Variants in SCN4A observed in about 807,000 individuals in gnomAD.
SCN4A encodes sodium channel protein type 4 subunit alpha.
A neutral mutation model predicts 162.0 loss-of-function variants in SCN4A; 83 were observed. The observed-to-expected ratio is 0.51, with a 90% CI of 0.43 to 0.61. The LOEUF (loss-of-function observed/expected upper bound fraction) is 0.61. Among genes scored for constraint, SCN4A ranks in the 20% least tolerant of loss-of-function variants. The pLI is 0.00. For synonymous variants in SCN4A, 944 were observed against 985.1 expected, an observed-to-expected ratio of 0.96 and a Z score of 0.78; for missense variants, 2,196 against 2,462.5, an observed-to-expected ratio of 0.89 and a Z score of 2.29.
chr17:63,960,514 G>A (rs1014324985), intron 11 of SCN4A, among the ~76,000 whole-genome samples: 6 of 152,162 alleles, frequency 3.9e-5, no homozygotes, highest in African/African-American at 7.2e-5. Context: ...CCCATTTGCC[G>A]TCCTGGAAAA....
Position 63,940,661 on chromosome 17 carries a change from C to T in SCN4A, c.*110G>A. 7.5e-7 allele frequency: 1 copy of T among 1,336,750 alleles called. No homozygotes were observed. The highest frequency in any genetic ancestry group is 1.0e-6 in the Non-Finnish European group (1 of 990,632). 82.8% of individuals were successfully genotyped at this position (1,336,750 alleles called of 1,614,324 possible). ...CCAAATCCTGTCCCCCATCAGGGAG[C>T]CAGGCACAGTCCCAGATTCAAAGCC... On this transcript the variant is annotated 3_prime_UTR_variant, in exon 24 of 24. Coordinates refer to ENST00000435607, the MANE Select transcript of SCN4A (RefSeq NM_000334.4).
At position 63,972,142 on chromosome 17, in the gene SCN4A, T is replaced by C; in HGVS notation, c.476A>G (p.Asn159Ser). The change falls in exon 3 of 24, where the codon AAT becomes AGT. Residue 159 changes from asparagine to serine, a missense_variant. Physicochemically the swap from Asn to Ser is conservative, Grantham distance 46. Transcript: ENST00000435607. The surrounding 1 kb of genome is among the most constrained non-coding windows in gnomAD (Gnocchi z 4.3). ...TMSDPPPWSKNVEYTFTGIYT... is the reference protein window; with the variant it reads ...TMSDPPPWSKSVEYTFTGIYT... The stretch of plus-strand genomic sequence containing the variant: ...AGGGAGCAGGGAGACTTACTCCACA[T>C]TCTTGGACCAGGGAGGCGGGTCACT... The C allele has an allele frequency of 6.2e-7, 1 of 1,612,138 alleles. No homozygotes were observed. The highest frequency in any genetic ancestry group is 8.5e-7 in the Non-Finnish European group (1 of 1,178,842).
In SCN4A at chr17:63,948,674, A is replaced by G. The variant is rs769610624; in HGVS notation, c.3081T>C (p.Ile1027=). Reference sequence around the variant, plus strand: ...AGGTCTCGAACCAGTTGTGCTCGACAATCTTGAAGCAGGCCCTGCGCAGAG... The same window carrying G: ...AGGTCTCGAACCAGTTGTGCTCGACGATCTTGAAGCAGGCCCTGCGCAGAG... ...WWTLRRACFK[I]VEHNWFETFI... Residue 1027 remains isoleucine, a synonymous_variant, in exon 16 of 24, where the codon ATT becomes ATC. Coordinates refer to ENST00000435607, the MANE Select transcript of SCN4A (RefSeq NM_000334.4). 1.9e-6 allele frequency: 3 copies of G among 1,613,858 alleles called. No individual in the cohort carries two copies. Among genetic ancestry groups the G allele is most frequent in the Non-Finnish European group, 2.5e-6 (3 of 1,179,868 alleles).
rs1491407058 is a variant in SCN4A, at chr17:63,946,469, C to CA, written c.3441+575_3441+576insT. ...GGAAGTCCCATTTTTCTTGCCCCCC[C>CA]CCCCACCCCGCCGCAACCCTGTGTT... On this transcript the variant is annotated intron_variant, in intron 18 of 23. Transcript: ENST00000435607. Among the ~76,000 whole-genome samples, 4 of 128,426 alleles carry CA rather than the reference C, an allele frequency of 3.1e-5. No individual in the cohort carries two copies. The South Asian group carries it at 7.9e-4, about 25-fold the overall frequency. The allele number at this position is 128,426 out of a possible 152,430, so 84.3% of individuals were successfully genotyped here.
At chr17:63,962,394 C>G (rs1909295161) in intron 10 of SCN4A, among the ~76,000 whole-genome samples, 1 of 152,214 alleles carries the variant, frequency 6.6e-6, no homozygotes, top group Non-Finnish European at 1.5e-5. Context: ...CACCCCAAAG[C>G]CACGAGTGCT....
At chr17:63,949,183 C>G (rs1250601874) in intron 15 of SCN4A, among the ~76,000 whole-genome samples, 1 of 152,230 alleles carries the variant, frequency 6.6e-6, no homozygotes, top group Admixed American at 6.5e-5. Flanking sequence ...CACTCCTGCA[C>G]GTTGGCTCCA....
chr17:63,942,038 C>T, intron 23 of SCN4A, 45 bp from the exon 24 acceptor site: 1 of 1,514,638 alleles, frequency 6.6e-7, no homozygotes, highest in Non-Finnish European at 8.9e-7. Flanking sequence ...GGGAGGGGGG[C>T]CGGCACAGGG....
chr17:63,944,682 C>T lies in SCN4A; in HGVS notation c.3903G>A (p.Gln1301=). ...IGVIIDNFNQ[Q]KKKLGGKDIF... is the part of the protein sequence containing the mutation. ...CTGGGCTGATACTCATCTTCTTCTTCTGCTGGTTGAAGTTGTCAATGATGA... is the reference window on the plus strand; with the variant it reads ...CTGGGCTGATACTCATCTTCTTCTTTTGCTGGTTGAAGTTGTCAATGATGA... Residue 1301 remains glutamine (Q), a synonymous_variant, in exon 21 of 24, where the codon CAG becomes CAA. Coordinates refer to ENST00000435607, the MANE Select transcript of SCN4A (RefSeq NM_000334.4). The surrounding 1 kb of genome is among the most constrained non-coding windows in gnomAD (Gnocchi z 4.3). 6.2e-7 allele frequency: 1 copy of T among 1,605,408 alleles called. No individual in the cohort carries two copies. The highest frequency in any genetic ancestry group is 1.3e-5 in the African/African-American group (1 of 74,970).
Position 63,966,527 on chromosome 17 carries a change from C to T in SCN4A, c.1054G>A (p.Glu352Lys). The change falls in exon 7 of 24, where the codon GAG becomes AAG. Residue 352 changes from glutamate to lysine, a missense_variant. Glu to Lys is a moderately conservative substitution (Grantham distance 56, BLOSUM62 1). Transcript: ENST00000435607. The part of the protein sequence containing the change: ...ISDEGNFYFL[E>K]GSNDALLCGN... ...CAGAGCAGGGCATCGTTGGAGCCCT[C>T]CAGGAAGTAGAAGTTCCCTTTGGGA... 1.2e-6 allele frequency: 2 copies of T among 1,613,780 alleles called. No homozygotes were observed. The highest frequency in any genetic ancestry group is 1.7e-6 in the Non-Finnish European group (2 of 1,179,792).
At chr17:63,943,206 AG>A in intron 22 of SCN4A, 110 bp from the exon 23 acceptor site, 1 of 279,732 alleles carries the variant, frequency 3.6e-6, no homozygotes, top group Non-Finnish European at 5.3e-6. Flanking sequence ...GAGATGACAG[AG>A]ATGACAGAGA....
intron 12 of SCN4A, among the ~76,000 whole-genome samples, chr17:63,958,705 A>G (rs1197544674): frequency 6.6e-6 from 1 of 152,166 alleles, no homozygotes; most frequent in Non-Finnish European, 1.5e-5. Flanking sequence ...GGCGTGCGCC[A>G]CCAAGCCCAG....
At chr17:63,968,716 A>G (rs1909531219) in intron 5 of SCN4A, among the ~76,000 whole-genome samples, 1 of 152,220 alleles carries the variant, frequency 6.6e-6, no homozygotes, top group African/African-American at 2.4e-5. Context: ...TGTGCCCTTA[A>G]AAAGGGGGCG....
chr17:63,941,405 T>C lies in SCN4A; in HGVS notation c.4877A>G (p.Lys1626Arg). ...DFEMFYETWE[K>R]FDPDATQFIA... Reference sequence around the variant, plus strand: ...GAACTGGGTGGCGTCGGGGTCGAACTTCTCCCATGTCTCGTAGAACATCTC... The same window carrying C: ...GAACTGGGTGGCGTCGGGGTCGAACCTCTCCCATGTCTCGTAGAACATCTC... The change falls in exon 24 of 24, where the codon AAG (lysine) becomes AGG (arginine). Residue 1626 changes from lysine (K) to arginine (R), a missense_variant. Coordinates refer to ENST00000435607, the MANE Select transcript of SCN4A (RefSeq NM_000334.4). This position sits in a 1 kb window ranked among gnomAD's most constrained non-coding sequence, Gnocchi z 6.2. 1 of 1,614,000 alleles carries C rather than the reference T, an allele frequency of 6.2e-7. No homozygotes were observed. The highest frequency in any genetic ancestry group is 1.1e-5 in the South Asian group (1 of 91,068).
In SCN4A at chr17:63,941,697, GGCAGATGAT is replaced by G; in HGVS notation, c.4576_4584del (p.Ile1526_Cys1528del). The G allele has an allele frequency of 3.1e-6, 5 of 1,614,154 alleles. No individual in the cohort carries two copies. The highest frequency in any genetic ancestry group is 4.2e-6 in the Non-Finnish European group (5 of 1,180,040). ...CCGGCCGACGTGGTGATCTCGAACAGGCAGATGATGCTGTTGCCGAAGGTCTCGAAGTTG... is the reference window on the plus strand; with the variant it reads ...CCGGCCGACGTGGTGATCTCGAACAGGCTGTTGCCGAAGGTCTCGAAGTTG... On this transcript the variant is annotated inframe_deletion, in exon 24 of 24. Coordinates refer to ENST00000435607, the MANE Select transcript of SCN4A (RefSeq NM_000334.4). The surrounding 1 kb of genome is among the most constrained non-coding windows in gnomAD (Gnocchi z 6.2).
In SCN4A at chr17:63,951,912, G is replaced by A. The variant is rs1417111365; in HGVS notation, c.2377-12C>T. The A allele has an allele frequency of 1.3e-6, 2 of 1,495,238 alleles. No homozygotes were observed. 92.6% of individuals were successfully genotyped at this position (1,495,238 alleles called of 1,614,324 possible). The stretch of plus-strand genomic sequence containing the variant: ...AACAGGTTCAGGACCTGGGGCATGG[G>A]GTCAGGGGGAGCCTCACATCAGTCC... On this transcript the variant is annotated splice_polypyrimidine_tract_variant and intron_variant, in intron 13 of 23. Transcript: ENST00000435607. This position sits in a 1 kb window ranked among gnomAD's most constrained non-coding sequence, Gnocchi z 4.5.
At chr17:63,964,337 C>G (rs769489512) in intron 9 of SCN4A, 131 bp downstream of exon 9, 2 of 718,550 alleles carry the variant, frequency 2.8e-6, no homozygotes, top group African/African-American at 1.8e-5. Flanking sequence ...GGGCCTTCTG[C>G]TCCTTCTGCC....
intron 16 of SCN4A, 44 bp from the exon 17 acceptor site, chr17:63,948,107 T>C (rs749573858): frequency 2.6e-6 from 4 of 1,536,050 alleles, no homozygotes; most frequent in Non-Finnish European, 3.5e-6. Flanking sequence ...TCCAGCAGGC[T>C]GGGGTGGCAG....
At chr17:63,960,123 G>A (rs983964652) in intron 11 of SCN4A, among the ~76,000 whole-genome samples, 13 of 152,216 alleles carry the variant, frequency 8.5e-5, no homozygotes, top group Non-Finnish European at 1.3e-4. Context: ...CCCTGGGCAC[G>A]GCCCCCCTCC....
intron 13 of SCN4A, among the ~76,000 whole-genome samples, chr17:63,954,124 G>A (rs1196897851): frequency 6.6e-6 from 1 of 152,214 alleles, no homozygotes; most frequent in African/African-American, 2.4e-5. Flanking sequence ...ACCCTTGGCC[G>A]TCTCCTCGGC....
Sources: gnomAD v4.1 joint callset for allele counts (sites outside exome capture counted in the v4.1 genomes callset) on GRCh38, gnomAD v4.1.1 for gene constraint, Gnocchi (gnomAD v3.1) non-coding constraint, MANE v1.5 for transcripts, NCBI Gene and HGNC (gene_info 2026-07-23, HGNC 2026-07-21) for gene names.